The following FER1L6 variants were observed in gnomAD, a reference collection of about 807,000 sequenced individuals.
The protein encoded by FER1L6 is fer-1 like family member 6.
FER1L6 carries 177 observed loss-of-function variants against 219.2 expected under a neutral mutation model. That is an observed-to-expected ratio of 0.81 (90% CI 0.71 to 0.91). The LOEUF is 0.91. Ranked by LOEUF, FER1L6 falls within the 40% of genes least tolerant of loss-of-function variation. FER1L6 has a pLI of 0.00. For missense variants in FER1L6, 2,153 were observed against 2,259.9 expected (o/e 0.95, Z 0.96); for synonymous variants, 768 against 824.3 (o/e 0.93, Z 1.17).
intron 1 of FER1L6, among the ~76,000 whole-genome samples, chr8:123,905,858 T>A (rs1812943726): frequency 6.6e-6 from 1 of 152,228 alleles, no homozygotes. Flanking sequence ...GTACATTGGT[T>A]ATCTGCTGTA....
intron 1 of FER1L6, among the ~76,000 whole-genome samples, chr8:123,928,974 T>C (rs1813667103): frequency 6.6e-6 from 1 of 152,098 alleles, no homozygotes; most frequent in Non-Finnish European, 1.5e-5. Context: ...GAAATAGGTA[T>C]TATTATGAGC....
chr8:124,113,325 T>C (rs1003984204), intron 39 of FER1L6, among the ~76,000 whole-genome samples: 8 of 152,200 alleles, frequency 5.3e-5, no homozygotes, highest in Non-Finnish European at 7.3e-5. Flanking sequence ...TCCATTGATA[T>C]ATGAAGTATA....
intron 1 of FER1L6, among the ~76,000 whole-genome samples, chr8:123,903,618 CT>C (rs920232956): frequency 1.1e-4 from 17 of 150,194 alleles, no homozygotes; most frequent in South Asian, 2.1e-4. Context: ...GAGAGCTGCA[CT>C]TTTTTTTTTC....
chr8:123,878,973 A>G (rs1817059136), intron 1 of FER1L6, among the ~76,000 whole-genome samples: 1 of 152,214 alleles, frequency 6.6e-6, no homozygotes. Context: ...GAGATTAGCA[A>G]ATGTTTAAGC....
chr8:124,092,519 A>C (rs1462887164), intron 34 of FER1L6, among the ~76,000 whole-genome samples: 1 of 152,230 alleles, frequency 6.6e-6, no homozygotes, highest in Non-Finnish European at 1.5e-5. Flanking sequence ...CTGGGACATA[A>C]CACAAAGATC....
chr8:123,935,211 A>G (rs934757764), intron 1 of FER1L6, among the ~76,000 whole-genome samples: 1 of 151,840 alleles, frequency 6.6e-6, no homozygotes, highest in Non-Finnish European at 1.5e-5. Context: ...CCTTTTTATT[A>G]TCAGTATGAG....
In FER1L6 at chr8:123,963,402, C is replaced by T. The variant is rs1287104091; in HGVS notation, c.197+4C>T. The stretch of plus-strand genomic sequence containing the variant: ...CCTCAGCTTCTCCAAAGAGAAGGTA[C>T]AGTATGGATGCAGGTGGTCAACACA... On this transcript the variant is annotated splice_donor_region_variant and intron_variant, in intron 3 of 40. Transcript: ENST00000522917. 3 of 1,613,860 alleles carry T rather than the reference C, an allele frequency of 1.9e-6. No individual in the cohort carries two copies. Among genetic ancestry groups the T allele is most frequent in the Non-Finnish European group, 2.5e-6 (3 of 1,179,780 alleles).
intron 22 of FER1L6, among the ~76,000 whole-genome samples, chr8:124,052,436 A>G (rs1168317206): frequency 6.6e-6 from 1 of 152,120 alleles, no homozygotes; most frequent in Non-Finnish European, 1.5e-5. Flanking sequence ...CATTTCCCAA[A>G]GTCTACCTCT....
chr8:123,922,001 T>C (rs1813378055), intron 1 of FER1L6, among the ~76,000 whole-genome samples: 1 of 152,188 alleles, frequency 6.6e-6, no homozygotes, highest in Non-Finnish European at 1.5e-5. Flanking sequence ...GAGGGAAGTA[T>C]GGAATTGTGA....
intron 12 of FER1L6, among the ~76,000 whole-genome samples, chr8:123,999,238 T>C (rs543411927): frequency 6.6e-6 from 1 of 152,270 alleles, no homozygotes; most frequent in African/African-American, 2.4e-5. Flanking sequence ...TGGCTACCAC[T>C]GCTAATTATT....
chr8:123,998,291 G>C (rs1463773482), intron 12 of FER1L6, among the ~76,000 whole-genome samples: 1 of 150,904 alleles, frequency 6.6e-6, no homozygotes, highest in East Asian at 2.0e-4. Flanking sequence ...CTGCCTTGGT[G>C]ATCTTGGGTA....
intron 1 of FER1L6, among the ~76,000 whole-genome samples, chr8:123,904,224 T>TGTGTGTGTGTG (rs1812910195): frequency 4.3e-5 from 6 of 139,396 alleles, no homozygotes; most frequent in East Asian, 2.1e-4. Flanking sequence ...CTCTGTATAT[T>TGTGTGTGTGTG]TGTGTGTGTG....
Position 123,975,150 on chromosome 8 carries a change from G to A in FER1L6, c.527G>A (p.Gly176Asp), listed in dbSNP as rs1816009461. The A allele has an allele frequency of 6.3e-7, 1 of 1,592,370 alleles. No homozygotes were observed. The highest frequency in any genetic ancestry group is 8.6e-7 in the Non-Finnish European group (1 of 1,168,078). The change falls in exon 8 of 41, where the codon GGT (glycine) becomes GAT (aspartate). Residue 176 changes from glycine to aspartate, a missense_variant and splice_region_variant. Coordinates refer to ENST00000522917, the MANE Select transcript of FER1L6 (RefSeq NM_001039112.2). ...GTGAGCTGTCAGGGTGCTTTCACAGGTCATCAGTTCTGCAACAAGTGGGCC... is the reference window on the plus strand; with the variant it reads ...GTGAGCTGTCAGGGTGCTTTCACAGATCATCAGTTCTGCAACAAGTGGGCC... ...VDLGTVYNQP[G>D]HQFCNKWALL... is the part of the protein sequence containing the mutation.
rs1441392442 is a variant in FER1L6 at position 124,079,748 on chromosome 8, A to G, written c.4221-2540A>G. ...TAAAATTGCCTGTATGATGAATGCT[A>G]TAAGGGAGAGGTACAGGGGCCTTTG... On this transcript the variant is annotated intron_variant, in intron 32 of 40. Transcript: ENST00000522917. Among the ~76,000 whole-genome samples, 5 of 152,334 alleles carry G rather than the reference A, an allele frequency of 3.3e-5. No individual in the cohort carries two copies. In the South Asian group the frequency reaches 8.3e-4, roughly 25 times the overall value.
At chr8:124,054,247 T>C (rs753958224) in intron 22 of FER1L6, among the ~76,000 whole-genome samples, 18 of 152,178 alleles carry the variant, frequency 1.2e-4, no homozygotes, top group Admixed American at 4.6e-4. Context: ...TCCAGAAATC[T>C]TCAGTGGCTC....
intron 14 of FER1L6, 147 bp from the exon 15 acceptor site, chr8:124,013,284 T>C (rs1818027114): frequency 2.1e-5 from 10 of 471,088 alleles, no homozygotes; most frequent in Non-Finnish European, 3.4e-5. Context: ...CATTTTCCAA[T>C]TCAAGTACAA....
At chr8:123,855,331 C>T (rs1171727495) in intron 1 of FER1L6, among the ~76,000 whole-genome samples, 2 of 152,122 alleles carry the variant, frequency 1.3e-5, no homozygotes, top group Non-Finnish European at 2.9e-5. Context: ...ACTGCGAGCT[C>T]CTGGCAGGCA....
intron 33 of FER1L6, among the ~76,000 whole-genome samples, chr8:124,088,623 G>T (rs918166113): frequency 6.6e-6 from 1 of 152,042 alleles, no homozygotes. Context: ...CCTGAAGCCA[G>T]CACTGCTCTG....
chr8:123,935,887 G>C (rs1813968302), intron 1 of FER1L6, among the ~76,000 whole-genome samples: 1 of 151,516 alleles, frequency 6.6e-6, no homozygotes, highest in Non-Finnish European at 1.5e-5. Context: ...ACAGTAAGGG[G>C]GACCAACAGA....
Sources: gnomAD v4.1 joint callset for allele counts (sites outside exome capture counted in the v4.1 genomes callset) on GRCh38, gnomAD v4.1.1 for gene constraint, MANE v1.5 for transcripts, NCBI Gene and HGNC (gene_info 2026-07-23, HGNC 2026-07-21) for gene names.